C1QTNF3: variants seen among roughly 807,000 people sequenced by gnomAD.
C1QTNF3 encodes the protein complement C1q tumor necrosis factor-related protein 3.
In C1QTNF3, 26 loss-of-function variants were observed where a neutral mutation model predicts 32.6. The observed-to-expected ratio is 0.80, with a 90% CI of 0.58 to 1.11. The LOEUF is 1.11. Among genes scored for constraint, C1QTNF3 ranks in the 50% least tolerant of loss-of-function variants. The probability of loss-of-function intolerance (pLI) is 0.00; values close to 1 mark genes in which losing one functional copy is unlikely to be tolerated. For missense variants in C1QTNF3, 362 were observed against 398.2 expected (o/e 0.91, Z 0.77); for synonymous variants, 155 against 146.0 (o/e 1.06, Z -0.44).
the C1QTNF3 span, among the ~76,000 whole-genome samples, chr5:34,237,600 C>G: frequency 2.6e-5 from 4 of 152,162 alleles, no homozygotes; most frequent in African/African-American, 9.7e-5. Context: ...GGAAGCACCA[C>G]CCCCACTGAG....
the C1QTNF3 span, among the ~76,000 whole-genome samples, chr5:34,201,485 A>G: frequency 6.6e-6 from 1 of 152,050 alleles, no homozygotes; most frequent in Non-Finnish European, 1.5e-5. Flanking sequence ...GCTTAAACAT[A>G]AAGTTAAAAA....
chr5:34,056,475 TATATAGAGAGAGAGAGAG>T, the C1QTNF3 span, among the ~76,000 whole-genome samples: 14 of 101,280 alleles, frequency 1.4e-4, no homozygotes, highest in East Asian at 9.3e-4. Flanking sequence ...TATATATATA[TATATAGAGAGAGAGAGAG>T]AGAGAGAGAG....
chr5:34,021,370 C>A (rs1433550252), intron 5 of C1QTNF3, among the ~76,000 whole-genome samples: 5 of 152,160 alleles, frequency 3.3e-5, no homozygotes, highest in African/African-American at 1.2e-4. Flanking sequence ...AGGGAAGTGA[C>A]TGGAAAAAGC....
the C1QTNF3 span, among the ~76,000 whole-genome samples, chr5:34,057,422 G>C: frequency 7.9e-5 from 12 of 152,146 alleles, no homozygotes; most frequent in Non-Finnish European, 1.3e-4. Flanking sequence ...AGTTTTAAAT[G>C]TCACTGGTTT....
At chr5:34,118,865 T>A in the C1QTNF3 span, among the ~76,000 whole-genome samples, 173 of 152,234 alleles carry the variant, frequency 1.1e-3, no homozygotes, top group African/African-American at 3.9e-3. Flanking sequence ...TAAATATTGC[T>A]TCTTTTCCTT....
chr5:34,028,969 A>C, intron 3 of C1QTNF3, 86 bp from the exon 4 acceptor site: 1 of 1,123,300 alleles, frequency 8.9e-7, no homozygotes, highest in Non-Finnish European at 1.3e-6. Context: ...TAAACATTAT[A>C]CATAACAGCA....
In C1QTNF3 at chr5:34,020,041, CAG is replaced by C. The variant is rs1412376973; in HGVS notation, c.*540_*541del. 1 of 152,690 alleles carries C rather than the reference CAG, an allele frequency of 6.5e-6. No individual in the cohort carries two copies. Among genetic ancestry groups the C allele is most frequent in the Non-Finnish European group, 1.5e-5 (1 of 68,436 alleles). The allele number at this position is 152,690 out of a possible 1,614,324, so 9.5% of individuals were successfully genotyped here. A position where few individuals can be genotyped will look rare whatever the true frequency, so the allele number is the denominator to read the frequency against. ...TTTAAAATAGCATTGTATGTGAATT[CAG>C]AGTTTTAATGTATTTTGTGGATCAA... On this transcript the variant is annotated 3_prime_UTR_variant, in exon 6 of 6. Transcript: ENST00000382065.
chr5:34,069,934 T>C, the C1QTNF3 span, among the ~76,000 whole-genome samples: 1 of 152,346 alleles, frequency 6.6e-6, no homozygotes, highest in Admixed American at 6.5e-5. Context: ...TCTATCAGTG[T>C]ATAAGGTGAT....
At chr5:34,180,252 G>A in the C1QTNF3 span, among the ~76,000 whole-genome samples, 1 of 152,418 alleles carries the variant, frequency 6.6e-6, no homozygotes, top group East Asian at 1.9e-4. Flanking sequence ...GGTGAGGCAG[G>A]AGAACTGTTT....
chr5:34,154,965 A>C, the C1QTNF3 span, among the ~76,000 whole-genome samples: 1 of 152,180 alleles, frequency 6.6e-6, no homozygotes, highest in Admixed American at 6.5e-5. Context: ...AAAATCCCGT[A>C]AATATGTGTC....
At chr5:34,056,473 TATATATAGAGAGAGAGAGAG>T in the C1QTNF3 span, among the ~76,000 whole-genome samples, 5 of 106,984 alleles carry the variant, frequency 4.7e-5, no homozygotes, top group African/African-American at 1.9e-4. Context: ...TATATATATA[TATATATAGAGAGAGAGAGAG>T]AGAGAGAGAG....
At chr5:34,224,523 A>G in the C1QTNF3 span, among the ~76,000 whole-genome samples, 8 of 152,216 alleles carry the variant, frequency 5.3e-5, no homozygotes, top group Non-Finnish European at 1.2e-4. Flanking sequence ...CTCATCTTTG[A>G]CAAACCTGAG....
At chr5:34,050,001 C>A in the C1QTNF3 span, among the ~76,000 whole-genome samples, 1 of 152,120 alleles carries the variant, frequency 6.6e-6, no homozygotes, top group Non-Finnish European at 1.5e-5. Flanking sequence ...CAAGTTGACA[C>A]AAAAAATTCA....
At position 34,043,179 on chromosome 5, in the gene C1QTNF3, C is replaced by G. The variant is rs1391822082; in HGVS notation, c.-54G>C. ...TGAGAAGACAGCAGAGCTCCAGGAG[C>G]GTGGTCTCCTCGGGCAGATGCCAGG... On this transcript the variant is annotated 5_prime_UTR_variant, in exon 1 of 6. Coordinates refer to ENST00000382065, the MANE Select transcript of C1QTNF3 (RefSeq NM_181435.6). 6.4e-7 allele frequency: 1 copy of G among 1,554,222 alleles called. No individual in the cohort carries two copies. The highest frequency in any genetic ancestry group is 1.8e-5 in the Admixed American group (1 of 54,844).
chr5:34,218,036 C>T, the C1QTNF3 span, among the ~76,000 whole-genome samples: 1 of 149,904 alleles, frequency 6.7e-6, no homozygotes, highest in Non-Finnish European at 1.5e-5. Context: ...TAGCCTATGA[C>T]CTCAACATGT....
chr5:34,028,851 G>A lies in C1QTNF3; in HGVS notation c.603C>T (p.Phe201=). ...IAFMASLATH[F]SNQNSGIIFS... is the part of the protein sequence containing the mutation. Reference sequence around the variant, plus strand: ...AGATAATCCCACTGTTCTGATTGCTGAAGTGGGTTGCCAGAGAAGCCATGA... The same window carrying A: ...AGATAATCCCACTGTTCTGATTGCTAAAGTGGGTTGCCAGAGAAGCCATGA... The change falls in exon 4 of 6, where the codon TTC becomes TTT. Residue 201 remains phenylalanine (F), a synonymous_variant. Coordinates refer to ENST00000382065, the MANE Select transcript of C1QTNF3 (RefSeq NM_181435.6). The A allele has an allele frequency of 6.2e-7, 1 of 1,612,136 alleles. No individual in the cohort carries two copies. The highest frequency in any genetic ancestry group is 2.2e-5 in the East Asian group (1 of 44,772).
At chr5:34,222,828 G>A in the C1QTNF3 span, among the ~76,000 whole-genome samples, 1 of 151,738 alleles carries the variant, frequency 6.6e-6, no homozygotes, top group Non-Finnish European at 1.5e-5. Flanking sequence ...CTGCAAACTG[G>A]CTAGCAATAA....
At chr5:34,068,505 G>C in the C1QTNF3 span, among the ~76,000 whole-genome samples, 1 of 151,928 alleles carries the variant, frequency 6.6e-6, no homozygotes, top group Admixed American at 6.6e-5. Flanking sequence ...AAATCAGAGA[G>C]CCCTCAAATA....
In C1QTNF3 at chr5:34,035,681, G is replaced by C. The variant is rs536212535; in HGVS notation, c.381C>G (p.Gly127=). 3 of 1,611,538 alleles carry C rather than the reference G, an allele frequency of 1.9e-6. No homozygotes were observed. The highest frequency in any genetic ancestry group is 2.2e-5 in the South Asian group (2 of 90,656). The change falls in exon 2 of 6, where the codon GGC becomes GGG. Residue 127 remains glycine, a synonymous_variant. Transcript: ENST00000382065. ...HGDYSFRGYQ[G]PPGPPGPPGI... ...CAGGAGGGCCCGGTGGCCCAGGGGG[G>C]CCTTGGTAGCCTCGAAAGCTGTAGT... is the stretch of plus-strand genomic sequence containing the variant.
Sources: gnomAD v4.1 joint callset for allele counts (sites outside exome capture counted in the v4.1 genomes callset) on GRCh38, gnomAD v4.1.1 for gene constraint, MANE v1.5 for transcripts, NCBI Gene and HGNC (gene_info 2026-07-23, HGNC 2026-07-21) for gene names.